The following FRMD4B variants were observed in gnomAD, a reference collection of about 807,000 sequenced individuals.
FRMD4B encodes FERM domain-containing protein 4B.
A neutral mutation model predicts 141.5 loss-of-function variants in FRMD4B; 74 were observed. The observed-to-expected ratio is 0.52, with a 90% CI of 0.43 to 0.63. The LOEUF (loss-of-function observed/expected upper bound fraction) is 0.63. FRMD4B is among the 30% of genes least tolerant of loss of function. The pLI is 0.00. For synonymous variants in FRMD4B, 506 were observed against 467.9 expected (o/e 1.08, Z -1.05); for missense variants, 1,366 against 1,253.4 (o/e 1.09, Z -1.36).
chr3:69,217,176 T>C (rs9826177), intron 10 of FRMD4B, among the ~76,000 whole-genome samples: 2,131 of 152,332 alleles, frequency 0.014, 41 homozygotes, highest in African/African-American at 0.048. Context: ...TTTGAATAAT[T>C]GGTTTGAGGT....
At chr3:69,517,386 G>A (rs919040954) in intron 1 of FRMD4B, among the ~76,000 whole-genome samples, 3 of 151,962 alleles carry the variant, frequency 2.0e-5, no homozygotes, top group African/African-American at 7.2e-5. Context: ...GAAAAAAAGA[G>A]CACCAGTCAC....
At chr3:69,259,159 G>A (rs1017259809) in intron 5 of FRMD4B, among the ~76,000 whole-genome samples, 1 of 152,120 alleles carries the variant, frequency 6.6e-6, no homozygotes, top group African/African-American at 2.4e-5. Context: ...AGACAGCGAC[G>A]GATCATCTGG....
chr3:69,378,538 T>C (rs1704033329), intron 1 of FRMD4B, among the ~76,000 whole-genome samples: 1 of 152,190 alleles, frequency 6.6e-6, no homozygotes, highest in Non-Finnish European at 1.5e-5. Flanking sequence ...CTGGGGCTGT[T>C]TGTTGCCATG....
At chr3:69,484,556 T>G (rs1706182694) in intron 1 of FRMD4B, among the ~76,000 whole-genome samples, 3 of 152,166 alleles carry the variant, frequency 2.0e-5, no homozygotes, top group African/African-American at 7.2e-5. Flanking sequence ...GATTAGCTCC[T>G]ATCTGTAGGC....
chr3:69,249,263 CA>C lies in FRMD4B; in HGVS notation c.559-16del, dbSNP rs1355170009. 1 of 1,558,092 alleles carries C rather than the reference CA, an allele frequency of 6.4e-7. No individual in the cohort carries two copies. The highest frequency in any genetic ancestry group is 8.8e-7 in the Non-Finnish European group (1 of 1,134,952). ...CCCTTGGCTTCCTAAAAACAACAAACAAAAACAGAGTTGATCAATATGTATC... is the reference window on the plus strand; with the variant it reads ...CCCTTGGCTTCCTAAAAACAACAAACAAAACAGAGTTGATCAATATGTATC... On this transcript the variant is annotated splice_polypyrimidine_tract_variant and intron_variant, in intron 6 of 22. Coordinates refer to ENST00000398540, the MANE Select transcript of FRMD4B (RefSeq NM_015123.3).
chr3:69,189,381 C>T (rs767147063), intron 18 of FRMD4B, among the ~76,000 whole-genome samples: 4 of 151,936 alleles, frequency 2.6e-5, no homozygotes, highest in Non-Finnish European at 5.9e-5. Context: ...ATAAACTTTC[C>T]TTTATCTAGA....
In FRMD4B at chr3:69,250,281, C is replaced by CTGTGTG. The variant is rs780190498; in HGVS notation, c.502-188_502-183dup. 4.5e-3 allele frequency: 2,281 copies of CTGTGTG among 511,430 alleles called. 6 individuals are homozygous for CTGTGTG. The highest frequency in any genetic ancestry group is 7.8e-3 in the Admixed American group (207 of 26,702). The allele number at this position is 511,430 out of a possible 1,614,324, so 31.7% of individuals were successfully genotyped here. ...CTCATTGAGGGTTAAGGCGAAACCA[C>CTGTGTG]TGTGTGTGCGTGTGTGTGTGTGTGT... On this transcript the variant is annotated intron_variant, in intron 5 of 22. Transcript: ENST00000398540.
At chr3:69,482,317 A>C (rs1406944442) in intron 1 of FRMD4B, among the ~76,000 whole-genome samples, 1 of 152,192 alleles carries the variant, frequency 6.6e-6, no homozygotes, top group Non-Finnish European at 1.5e-5. Flanking sequence ...GCCCTAACTA[A>C]GAATATCACA....
At chr3:69,391,680 G>A (rs1704386904) in intron 2 of FRMD4B, among the ~76,000 whole-genome samples, 1 of 152,156 alleles carries the variant, frequency 6.6e-6, no homozygotes, top group Non-Finnish European at 1.5e-5. Context: ...GTCTCTGACT[G>A]TACACACAAT....
intron 3 of FRMD4B, among the ~76,000 whole-genome samples, chr3:69,308,044 C>T (rs1239541886): frequency 6.6e-6 from 1 of 152,134 alleles, no homozygotes; most frequent in Non-Finnish European, 1.5e-5. Context: ...TAAAGTCTAC[C>T]TTACCTGCAA....
At chr3:69,536,293 TG>T in intron 1 of FRMD4B, 1 of 634,536 alleles carries the variant, frequency 1.6e-6, no homozygotes, top group Non-Finnish European at 2.9e-6. Context: ...CTCCCTGGGC[TG>T]GATTTTCCTC....
intron 1 of FRMD4B, among the ~76,000 whole-genome samples, chr3:69,486,810 G>C (rs909167788): frequency 3.9e-5 from 6 of 152,186 alleles, no homozygotes; most frequent in African/African-American, 1.4e-4. Context: ...CAAATGTTAA[G>C]AAGCAATGTT....
chr3:69,194,345 G>C (rs2092875809), intron 16 of FRMD4B, among the ~76,000 whole-genome samples: 1 of 152,068 alleles, frequency 6.6e-6, no homozygotes, highest in African/African-American at 2.4e-5. Flanking sequence ...AGTAGGATGA[G>C]GATTAAATGA....
chr3:69,232,619 G>A (rs1482779312), intron 7 of FRMD4B, among the ~76,000 whole-genome samples: 1 of 152,106 alleles, frequency 6.6e-6, no homozygotes, highest in Non-Finnish European at 1.5e-5. Context: ...GCAAAACTGA[G>A]GCTACTCTTT....
chr3:69,431,465 C>G (rs1705178327), intron 2 of FRMD4B, among the ~76,000 whole-genome samples: 2 of 152,180 alleles, frequency 1.3e-5, no homozygotes. Flanking sequence ...ATCTTTGCCC[C>G]TTTAAAACAA....
chr3:69,214,079 C>T (rs934891612), intron 11 of FRMD4B, among the ~76,000 whole-genome samples: 1 of 152,080 alleles, frequency 6.6e-6, no homozygotes, highest in African/African-American at 2.4e-5. Context: ...ATGGCTTTCC[C>T]TAATCTACCC....
intron 1 of FRMD4B, chr3:69,353,573 A>G: frequency 1.0e-6 from 1 of 985,334 alleles, no homozygotes; most frequent in Non-Finnish European, 1.2e-6. Flanking sequence ...CGGCTCATTT[A>G]AAGGAACTGA....
At chr3:69,198,398 A>G in intron 12 of FRMD4B, 1 of 304,630 alleles carries the variant, frequency 3.3e-6, no homozygotes, top group Non-Finnish European at 6.1e-6. Context: ...ACCCACTAGG[A>G]TGGCATAAAC....
At chr3:69,375,899 CAA>C (rs1025177898) in intron 1 of FRMD4B, among the ~76,000 whole-genome samples, 3 of 152,036 alleles carry the variant, frequency 2.0e-5, no homozygotes, top group African/African-American at 7.2e-5. Flanking sequence ...CTCATATGCA[CAA>C]AGAGACAAGT....
Sources: gnomAD v4.1 joint callset for allele counts (sites outside exome capture counted in the v4.1 genomes callset) on GRCh38, gnomAD v4.1.1 for gene constraint, MANE v1.5 for transcripts, NCBI Gene and HGNC (gene_info 2026-07-23, HGNC 2026-07-21) for gene names.